PLEC: variants seen among roughly 807,000 people sequenced by gnomAD.
PLEC encodes the protein hemidesmosomal protein 1.
Under a neutral mutation model 392.8 loss-of-function variants are expected in PLEC, and 216 were observed. That is an observed-to-expected ratio of 0.55 (90% CI 0.49 to 0.62). The LOEUF is 0.62. PLEC is among the 20% of genes least tolerant of loss of function. PLEC has a pLI of 0.00. For missense variants in PLEC, 6,863 were observed against 6,563.4 expected (o/e 1.05, Z -1.58); for synonymous variants, 3,621 against 2,980.6 (o/e 1.21, Z -7.00).
At chr8:143,937,315 C>A (rs543456676) in intron 3 of PLEC, 73 bp from the exon 4 acceptor site, 95 of 1,153,506 alleles carry the variant, frequency 8.2e-5, no homozygotes, top group South Asian at 9.9e-5. Context: ...TGCCCCAAAG[C>A]GCCGCAGCAA....
Position 143,933,282 on chromosome 8 carries a change from C to A in PLEC, c.1333G>T (p.Ala445Ser). The A allele has an allele frequency of 6.2e-7, 1 of 1,613,218 alleles. No homozygotes were observed. Among genetic ancestry groups the A allele is most frequent in the Non-Finnish European group, 8.5e-7 (1 of 1,179,976 alleles). ...AGEVERDLDK[A>S]DSMIRLLFND... ...AAGAGCAGCCGGATCATGCTATCCG[C>A]CTTGTCCAAGTCCCGTTCCACCTCC... is the stretch of plus-strand genomic sequence containing the variant. Residue 445 changes from alanine to serine, a missense_variant, in exon 13 of 32, where the codon GCG becomes TCG. Coordinates refer to ENST00000345136, the MANE Select transcript of PLEC (RefSeq NM_201384.3).
At position 143,919,041 on chromosome 8, in the gene PLEC, C is replaced by T. The variant is rs373272207; in HGVS notation, c.10780G>A (p.Asp3594Asn). The change falls in exon 32 of 32, where the codon GAC (aspartate) becomes AAC (asparagine). Residue 3594 changes from aspartate to asparagine, a missense_variant. Coordinates refer to ENST00000345136, the MANE Select transcript of PLEC (RefSeq NM_201384.3). ...GCCCGCTGCTCCTCGGGGATCAGGT[C>T]CGACTGCATCACCTCCCACAGGGAC... ...TMSLWEVMQSDLIPEEQRAQL... is the reference protein window; with the variant it reads ...TMSLWEVMQSNLIPEEQRAQL... The T allele has an allele frequency of 1.3e-5, 21 of 1,611,266 alleles. No individual in the cohort carries two copies. Among genetic ancestry groups the T allele is most frequent in the Non-Finnish European group, 1.7e-5 (20 of 1,180,008 alleles).
At chr8:143,934,489 G>T in intron 10 of PLEC, 44 bp from the exon 11 acceptor site, 1 of 1,608,112 alleles carries the variant, frequency 6.2e-7, no homozygotes, top group Non-Finnish European at 8.5e-7. Flanking sequence ...CAGGGGGCAG[G>T]GGGTGGGGCG....
In PLEC at chr8:143,918,906, A is replaced by C. The variant is rs782432495; in HGVS notation, c.10915T>G (p.Ser3639Ala). 3 of 1,611,442 alleles carry C rather than the reference A, an allele frequency of 1.9e-6. No homozygotes were observed. Among genetic ancestry groups the C allele is most frequent in the African/African-American group, 2.7e-5 (2 of 74,928 alleles). The change falls in exon 32 of 32, where the codon TCC (serine) becomes GCC (alanine). Residue 3639 changes from serine (S) to alanine (A), a missense_variant. By Grantham distance (99) the Ser-to-Ala change is moderately conservative. Transcript: ENST00000345136. ...AGGCGGCGGCGCACGTAGTCGTAGG[A>C]GGCCAGACCCTGCTGGCGGATGATC... ...TEIIRQQGLASYDYVRRRLTA... is the reference protein window; with the variant it reads ...TEIIRQQGLAAYDYVRRRLTA...
rs1056788299 is a variant in PLEC, at chr8:143,916,126, C to T, written c.*51G>A. 32 of 1,414,268 alleles carry T rather than the reference C, an allele frequency of 2.3e-5. No individual in the cohort carries two copies. Among genetic ancestry groups the T allele is most frequent in the South Asian group, 1.1e-4 (8 of 70,408 alleles). 87.6% of individuals were successfully genotyped at this position (1,414,268 alleles called of 1,614,324 possible). A position where few individuals can be genotyped will look rare whatever the true frequency, so the allele number is the denominator to read the frequency against. On this transcript the variant is annotated 3_prime_UTR_variant, in exon 32 of 32. Transcript: ENST00000345136. ...AGCGTTGAAAACGGCCCCCGCGCCT[C>T]GGTGGGAGCCGGGCTGGGCCGCATG...
Position 143,920,002 on chromosome 8 carries a change from C to G in PLEC, c.9819G>C (p.Gln3273His). 1 of 1,613,290 alleles carries G rather than the reference C, an allele frequency of 6.2e-7. No homozygotes were observed. The highest frequency in any genetic ancestry group is 1.1e-5 in the South Asian group (1 of 91,088). ...TAEQRQELLR[Q>H]FRTGKVTVEK... Reference sequence around the variant, plus strand: ...CCACGGTGACCTTGCCCGTGCGGAACTGACGCAACAGCTCCTGCCGCTGCT... The same window carrying G: ...CCACGGTGACCTTGCCCGTGCGGAAGTGACGCAACAGCTCCTGCCGCTGCT... The change falls in exon 32 of 32, where the codon CAG becomes CAC. Residue 3273 changes from glutamine to histidine, a missense_variant. By Grantham distance (24) the Gln-to-His change is conservative. Coordinates refer to ENST00000345136, the MANE Select transcript of PLEC (RefSeq NM_201384.3).
At chr8:143,926,031 C>A in intron 30 of PLEC, 147 bp from the exon 31 acceptor site, 1 of 927,110 alleles carries the variant, frequency 1.1e-6, no homozygotes, top group Non-Finnish European at 1.7e-6. Flanking sequence ...GAGGAGACAG[C>A]GTGCACCCGC....
intron 1 of PLEC, chr8:143,945,123 G>T: frequency 2.4e-6 from 1 of 411,854 alleles, no homozygotes; most frequent in South Asian, 1.8e-5. Context: ...AGAAGAGGCC[G>T]CCCATTCTCC....
intron 14 of PLEC, 29 bp downstream of exon 14, chr8:143,932,764 C>T (rs782297368): frequency 2.0e-5 from 33 of 1,610,250 alleles, no homozygotes; most frequent in East Asian, 1.3e-4. Context: ...GGCCCACCCC[C>T]GCACTGCCCA....
Position 143,930,549 on chromosome 8 carries a change from G to A in PLEC, c.2305-13C>T, listed in dbSNP as rs782068883. 12 of 1,578,804 alleles carry A rather than the reference G, an allele frequency of 7.6e-6. No homozygotes were observed. The highest frequency in any genetic ancestry group is 1.1e-5 in the South Asian group (1 of 86,970). On this transcript the variant is annotated splice_polypyrimidine_tract_variant and intron_variant, in intron 19 of 31. Transcript: ENST00000345136. ...GTTCCTTCTCGTCCTGTGGGGGAGG[G>A]GCAGCATCCAGACGAGGGCCATGGA...
rs782418880 is a variant in PLEC, at chr8:143,929,932, G to A, written c.2739+4C>T. ...GAGAGCCCCCGGCTCGGGGGCAGGC[G>A]TACCGTGGCCAGGGACCAGGAGCGG... On this transcript the variant is annotated splice_donor_region_variant and intron_variant, in intron 22 of 31. Coordinates refer to ENST00000345136, the MANE Select transcript of PLEC (RefSeq NM_201384.3). 12 of 1,609,118 alleles carry A rather than the reference G, an allele frequency of 7.5e-6. No homozygotes were observed. Among genetic ancestry groups the A allele is most frequent in the Admixed American group, 1.7e-5 (1 of 59,884 alleles).
At position 143,923,170 on chromosome 8, in the gene PLEC, T is replaced by G. The variant is rs201054298; in HGVS notation, c.6759A>C (p.Ala2253=). 8.1e-6 allele frequency: 13 copies of G among 1,602,402 alleles called. 1 individual carries two copies. The Middle Eastern group carries it at 8.2e-4, about 102-fold the overall frequency. The change falls in exon 31 of 32, where the codon GCA becomes GCC. Residue 2253 remains alanine, a synonymous_variant. Transcript: ENST00000345136. The stretch of plus-strand genomic sequence containing the variant: ...TATTGTCCTTGTCACGCAAGATGAG[T>G]GCGCGGTTCTCAGCCTCGATGCGTG... ...LKARIEAENR[A]LILRDKDNTQ...
At position 143,915,453 on chromosome 8, in the gene PLEC, A is replaced by AG. The variant is rs1219998976; in HGVS notation, c.*723dup. On this transcript the variant is annotated 3_prime_UTR_variant, in exon 32 of 32. Transcript: ENST00000345136. ...CCCAGTGTGGGGCTCCACAAGCTGG[A>AG]GGGGCCCCTGGACCCACCAGGAGGA... 2 of 152,168 alleles carry AG rather than the reference A, an allele frequency of 1.3e-5. No homozygotes were observed. The highest frequency in any genetic ancestry group is 2.9e-5 in the Non-Finnish European group (2 of 68,084). 9.4% of individuals were successfully genotyped at this position (152,168 alleles called of 1,614,324 possible).
intron 10 of PLEC, 45 bp downstream of exon 10, chr8:143,934,590 G>A: frequency 1.2e-6 from 2 of 1,600,852 alleles, no homozygotes. Context: ...TTTCAGGCCT[G>A]GGGCGTTCCA....
upstream of PLEC, among the ~76,000 whole-genome samples, chr8:143,939,981 G>A (rs1487911901): frequency 1.3e-5 from 2 of 152,174 alleles, no homozygotes; most frequent in African/African-American, 4.8e-5. Context: ...TCCAGGCCTG[G>A]GCCAGGCCCT....
At position 143,920,944 on chromosome 8, in the gene PLEC, G is replaced by T. The variant is rs573682644; in HGVS notation, c.8877C>A (p.Ile2959=). ...GCTCCTGCTCCTCCACCACCGTGAT[G>T]ATGATCTTGATGATCTTCTCCACTG... ...RITVEKIIKI[I]ITVVEEQEQK... is the part of the protein sequence containing the mutation. Residue 2959 remains isoleucine (I), a synonymous_variant, in exon 32 of 32, where the codon ATC becomes ATA. Coordinates refer to ENST00000345136, the MANE Select transcript of PLEC (RefSeq NM_201384.3). The T allele has an allele frequency of 3.3e-4, 536 of 1,613,014 alleles. 6 individuals carry two copies. In the South Asian group the frequency reaches 5.5e-3, roughly 17 times the overall value.
In PLEC at chr8:143,923,279, G is replaced by A. The variant is rs782254334; in HGVS notation, c.6650C>T (p.Thr2217Met). Residue 2217 changes from threonine to methionine, a missense_variant, in exon 31 of 32, where the codon ACG becomes ATG. By Grantham distance (81) the Thr-to-Met change is moderately conservative. Transcript: ENST00000345136. The stretch of plus-strand genomic sequence containing the variant: ...CTGGCTGCGCTGGCGTGCGGCCTCC[G>A]TGGCCTCCGCCTTCAGCCGCTGCAG... ...EELQRLKAEA[T>M]EAARQRSQVE... 53 of 1,606,916 alleles carry A rather than the reference G, an allele frequency of 3.3e-5. No homozygotes were observed. The highest frequency in any genetic ancestry group is 2.5e-4 in the East Asian group (11 of 44,788).
At position 143,919,255 on chromosome 8, in the gene PLEC, C is replaced by T. The variant is rs200741156; in HGVS notation, c.10566G>A (p.Thr3522=). The part of the protein sequence containing the change: ...FFDPNTHENL[T]YRQLLERCVE... Reference sequence around the variant, plus strand: ...CGCACCGCTCCAGCAGCTGCCTGTACGTGAGGTTCTCATGCGTGTTGGGGT... The same window carrying T: ...CGCACCGCTCCAGCAGCTGCCTGTATGTGAGGTTCTCATGCGTGTTGGGGT... The change falls in exon 32 of 32, where the codon ACG becomes ACA. Residue 3522 remains threonine (T), a synonymous_variant. Coordinates refer to ENST00000345136, the MANE Select transcript of PLEC (RefSeq NM_201384.3). 206 of 1,614,014 alleles carry T rather than the reference C, an allele frequency of 1.3e-4. 2 individuals carry two copies. In the African/African-American group the frequency reaches 2.4e-3, roughly 19 times the overall value.
chr8:143,953,031 A>ACC (rs1190226615), upstream of PLEC, among the ~76,000 whole-genome samples: 12 of 78,662 alleles, frequency 1.5e-4, no homozygotes, highest in African/African-American at 5.9e-4. Context: ...TGCAGCACAC[A>ACC]CCCCCCCCGA....
Sources: allele counts gnomAD v4.1 joint callset (sites outside exome capture counted in the v4.1 genomes callset), GRCh38; gene constraint gnomAD v4.1.1; transcripts MANE v1.5; gene names NCBI Gene and HGNC (gene_info 2026-07-23, HGNC 2026-07-21).